YTHDF3: variants seen among roughly 807,000 people sequenced by gnomAD.
YTHDF3 encodes YTH domain-containing family protein 3.
Under a neutral mutation model 52.5 loss-of-function variants are expected in YTHDF3, and 9 were observed. The observed-to-expected ratio is 0.17, with a 90% confidence interval of 0.10 to 0.30. The LOEUF (loss-of-function observed/expected upper bound fraction) is 0.30. Among genes scored for constraint, YTHDF3 ranks in the 10% least tolerant of loss-of-function variants. The probability of loss-of-function intolerance (pLI) is 1.00; values close to 1 mark genes in which losing one functional copy is unlikely to be tolerated. For synonymous variants in YTHDF3, 274 were observed against 243.3 expected, an observed-to-expected ratio of 1.13 and a Z score of -1.18; for missense variants, 534 against 715.0, an observed-to-expected ratio of 0.75 and a Z score of 2.89.
At position 63,186,260 on chromosome 8, in the gene YTHDF3, T is replaced by A; in HGVS notation, c.249T>A (p.Pro83=). 1 of 1,614,070 alleles carries A rather than the reference T, an allele frequency of 6.2e-7. No individual in the cohort carries two copies. The highest frequency in any genetic ancestry group is 8.5e-7 in the Non-Finnish European group (1 of 1,179,914). ...CGTGGTCCACAGCTGGAGACCAGCCTATGCCATATCTGACAACCTATGGAC... is the reference window on the plus strand; with the variant it reads ...CGTGGTCCACAGCTGGAGACCAGCCAATGCCATATCTGACAACCTATGGAC... ...EAAWSTAGDQ[P]MPYLTTYGQM... The change falls in exon 4 of 5, where the codon CCT becomes CCA. Residue 83 remains proline, a synonymous_variant. Transcript: ENST00000539294.
At chr8:63,185,639 TAATG>T (rs900992071) in intron 3 of YTHDF3, among the ~76,000 whole-genome samples, 1 of 152,232 alleles carries the variant, frequency 6.6e-6, no homozygotes, top group Non-Finnish European at 1.5e-5. Context: ...ATTTTTTCCT[TAATG>T]AAAGTACAAA....
chr8:63,177,957 C>T (rs1193531718), intron 3 of YTHDF3, among the ~76,000 whole-genome samples: 3 of 152,022 alleles, frequency 2.0e-5, no homozygotes, highest in Non-Finnish European at 4.4e-5. Flanking sequence ...GAGGTTTCAC[C>T]ATATTGGCAA....
At chr8:63,173,213 T>TATATATATATATATATATATAC (rs947970396) in intron 2 of YTHDF3, among the ~76,000 whole-genome samples, 32 of 146,132 alleles carry the variant, frequency 2.2e-4, no homozygotes, top group African/African-American at 7.9e-4. Flanking sequence ...TATATATATA[T>TATATATATATATATATATATAC]ACAGATAAAT....
At position 63,199,737 on chromosome 8, in the gene YTHDF3, T is replaced by C. The variant is rs116637842; in HGVS notation, c.1735-9946T>C. 5.3e-3 allele frequency among the ~76,000 whole-genome samples: 810 copies of C among 152,336 alleles called. 11 individuals carry two copies. The highest frequency in any genetic ancestry group is 0.019 in the African/African-American group (787 of 41,568). On this transcript the variant is annotated intron_variant, in intron 4 of 4. Coordinates refer to ENST00000539294, the MANE Select transcript of YTHDF3 (RefSeq NM_152758.6). ...CTTCCATAAGGGTCATTTGAGGTGC[T>C]TAACTGACTTTACCTGTTTCTTGGA...
chr8:63,188,472 A>G (rs1000941996), intron 4 of YTHDF3, among the ~76,000 whole-genome samples: 4 of 150,166 alleles, frequency 2.7e-5, no homozygotes, highest in African/African-American at 7.3e-5. Flanking sequence ...GACTACGGTC[A>G]CACACCACCA....
chr8:63,209,062 T>G (rs1180317001), intron 4 of YTHDF3, among the ~76,000 whole-genome samples: 1 of 150,588 alleles, frequency 6.6e-6, no homozygotes, highest in Admixed American at 6.7e-5. Flanking sequence ...GAGACGGGGT[T>G]TCATCATGTT....
At chr8:63,168,556 A>G, upstream of YTHDF3, 1 of 480,918 alleles carries the variant, frequency 2.1e-6, no homozygotes, top group Non-Finnish European at 3.7e-6. Context: ...GTGGGGGAGG[A>G]AGAGCGAGGT....
intron 4 of YTHDF3, among the ~76,000 whole-genome samples, chr8:63,207,785 C>A (rs1001169664): frequency 2.6e-5 from 4 of 152,078 alleles, no homozygotes; most frequent in African/African-American, 9.7e-5. Context: ...TGAGAAATTT[C>A]TCTAAGTTTT....
rs754181020 is a variant in YTHDF3 at position 63,183,133 on chromosome 8, G to A, written c.136-3014G>A. On this transcript the variant is annotated intron_variant, in intron 3 of 4. Coordinates refer to ENST00000539294, the MANE Select transcript of YTHDF3 (RefSeq NM_152758.6). ...ATGCTCCCATGGCCAGCTAATTTTTGTAATTTTGGTAGAGATGGGGTTTCA... is the reference window on the plus strand; with the variant it reads ...ATGCTCCCATGGCCAGCTAATTTTTATAATTTTGGTAGAGATGGGGTTTCA... Among the ~76,000 whole-genome samples the A allele has an allele frequency of 5.1e-4, 78 of 151,964 alleles. 1 individual carries two copies. The highest frequency in any genetic ancestry group is 3.4e-3 in the Middle Eastern group (1 of 292).
At chr8:63,208,759 T>G (rs528941415) in intron 4 of YTHDF3, among the ~76,000 whole-genome samples, 1 of 152,370 alleles carries the variant, frequency 6.6e-6, no homozygotes, top group East Asian at 1.9e-4. Context: ...GTTTAACTTT[T>G]GTTCAAGTAG....
At chr8:63,177,842 C>CT (rs978919868) in intron 3 of YTHDF3, among the ~76,000 whole-genome samples, 3 of 151,524 alleles carry the variant, frequency 2.0e-5, no homozygotes, top group Non-Finnish European at 4.4e-5. Context: ...ACTGCAACCT[C>CT]TGTCGCCCAG....
intron 2 of YTHDF3, among the ~76,000 whole-genome samples, chr8:63,170,204 A>G (rs1807220427): frequency 6.6e-6 from 1 of 152,190 alleles, no homozygotes; most frequent in Admixed American, 6.5e-5. Context: ...ATCAGAGCAA[A>G]TTATATATAA....
chr8:63,194,028 T>G (rs1285675355), intron 4 of YTHDF3, among the ~76,000 whole-genome samples: 10 of 152,090 alleles, frequency 6.6e-5, no homozygotes, highest in Non-Finnish European at 1.0e-4. Context: ...ATCAATAGTT[T>G]TTTTTTTTTT....
chr8:63,209,884 C>A lies in YTHDF3; in HGVS notation c.*178C>A. On this transcript the variant is annotated 3_prime_UTR_variant, in exon 5 of 5. Transcript: ENST00000539294. Reference sequence around the variant, plus strand: ...TCATCAGCGCATCTGCCCTTATACTCTTCACCAAACACACTTGAGAACTGT... The same window carrying A: ...TCATCAGCGCATCTGCCCTTATACTATTCACCAAACACACTTGAGAACTGT... 1 of 556,558 alleles carries A rather than the reference C, an allele frequency of 1.8e-6. No homozygotes were observed. Among genetic ancestry groups the A allele is most frequent in the Non-Finnish European group, 3.1e-6 (1 of 327,358 alleles). 34.5% of individuals were successfully genotyped at this position (556,558 alleles called of 1,614,324 possible). A position where few individuals can be genotyped will look rare whatever the true frequency, so the allele number is the denominator to read the frequency against.
In YTHDF3 at chr8:63,212,066, A is replaced by G. The variant is rs745357081; in HGVS notation, c.*2360A>G. 1.0e-4 allele frequency: 16 copies of G among 152,624 alleles called. No individual in the cohort carries two copies. The highest frequency in any genetic ancestry group is 2.1e-4 in the South Asian group (1 of 4,830). 9.5% of individuals were successfully genotyped at this position (152,624 alleles called of 1,614,324 possible). Reference sequence around the variant, plus strand: ...CCAAAAGGGAGAGAGCCTGGGGTCTACAAGAGGAGACACATCATCAAATGT... The same window carrying G: ...CCAAAAGGGAGAGAGCCTGGGGTCTGCAAGAGGAGACACATCATCAAATGT... On this transcript the variant is annotated 3_prime_UTR_variant, in exon 5 of 5. Coordinates refer to ENST00000539294, the MANE Select transcript of YTHDF3 (RefSeq NM_152758.6).
chr8:63,171,883 A>G (rs1241574623), intron 2 of YTHDF3, among the ~76,000 whole-genome samples: 3 of 152,138 alleles, frequency 2.0e-5, no homozygotes, highest in African/African-American at 7.2e-5. Flanking sequence ...TCTTTTCTGA[A>G]TTGTCTTTAG....
intron 4 of YTHDF3, among the ~76,000 whole-genome samples, chr8:63,196,684 T>C (rs1050227030): frequency 6.6e-6 from 1 of 152,128 alleles, no homozygotes; most frequent in African/African-American, 2.4e-5. Context: ...TAACCCTGGA[T>C]ACTCAAATTT....
rs1808570850 is a variant in YTHDF3, at chr8:63,187,130, A to G, written c.1119A>G (p.Glu373=). ...GFNQNNGAGS[E]NFGLGVVPVS... is the part of the protein sequence containing the mutation. Reference sequence around the variant, plus strand: ...ACCAGAACAATGGAGCGGGCAGTGAAAACTTTGGTTTAGGTGTTGTACCTG... The same window carrying G: ...ACCAGAACAATGGAGCGGGCAGTGAGAACTTTGGTTTAGGTGTTGTACCTG... The change falls in exon 4 of 5, where the codon GAA becomes GAG. Residue 373 remains glutamate, a synonymous_variant. Coordinates refer to ENST00000539294, the MANE Select transcript of YTHDF3 (RefSeq NM_152758.6). 3 of 1,613,938 alleles carry G rather than the reference A, an allele frequency of 1.9e-6. No individual in the cohort carries two copies. Among genetic ancestry groups the G allele is most frequent in the Non-Finnish European group, 2.5e-6 (3 of 1,179,852 alleles).
chr8:63,178,009 C>T (rs960231463), intron 3 of YTHDF3, among the ~76,000 whole-genome samples: 3 of 152,112 alleles, frequency 2.0e-5, no homozygotes, highest in Admixed American at 6.6e-5. Context: ...CCACCTGCCT[C>T]GGCCTCCCAA....
Sources: allele counts gnomAD v4.1 joint callset (sites outside exome capture counted in the v4.1 genomes callset), GRCh38; gene constraint gnomAD v4.1.1; transcripts MANE v1.5; gene names NCBI Gene and HGNC (gene_info 2026-07-23, HGNC 2026-07-21).